Variants in DDO observed in about 807,000 individuals in gnomAD.
DDO encodes the protein D-aspartate oxidase.
Under a neutral mutation model 16.8 loss-of-function variants are expected in DDO, and 16 were observed. The observed-to-expected ratio is 0.95, with a 90% CI of 0.65 to 1.45. The LOEUF is 1.45. DDO is among the 40% of genes most tolerant of loss of function. The pLI, the probability that DDO is intolerant of heterozygous loss-of-function variation, is 0.00. For synonymous variants in DDO, 180 were observed against 167.2 expected (o/e 1.08, Z -0.59); for missense variants, 429 against 420.3 (o/e 1.02, Z -0.18).
At chr6:110,408,783 C>T (rs1418307638) in intron 2 of DDO, among the ~76,000 whole-genome samples, 1 of 152,214 alleles carries the variant, frequency 6.6e-6, no homozygotes, top group Non-Finnish European at 1.5e-5. Context: ...TATAACCAAC[C>T]TGAGCAGAGC....
At chr6:110,394,937 A>G (rs1257879077) in intron 4 of DDO, among the ~76,000 whole-genome samples, 1 of 152,188 alleles carries the variant, frequency 6.6e-6, no homozygotes, top group African/African-American at 2.4e-5. Flanking sequence ...GAGAGACTGT[A>G]TCTTATGTTT....
At chr6:110,410,748 C>T (rs1378141618) in intron 2 of DDO, among the ~76,000 whole-genome samples, 2 of 152,116 alleles carry the variant, frequency 1.3e-5, no homozygotes, top group South Asian at 2.1e-4. Flanking sequence ...TCCCACGACA[C>T]GTAGGGATTA....
At chr6:110,393,657 T>C (rs1773191326) in intron 4 of DDO, among the ~76,000 whole-genome samples, 1 of 152,250 alleles carries the variant, frequency 6.6e-6, no homozygotes, top group Admixed American at 6.5e-5. Flanking sequence ...CCAAGTTGAT[T>C]TGGTATTTTA....
rs145520595 is a variant in DDO at position 110,397,798 on chromosome 6, T to C, written c.459-4456A>G. ...GGATCCCAGAGGAAAACTCACTAAATGTGCCTGGAGACTGGTCACCTTTAT... is the reference window on the plus strand; with the variant it reads ...GGATCCCAGAGGAAAACTCACTAAACGTGCCTGGAGACTGGTCACCTTTAT... On this transcript the variant is annotated intron_variant, in intron 4 of 4. Transcript: ENST00000368924. Among the ~76,000 whole-genome samples, 9 of 152,326 alleles carry C rather than the reference T, an allele frequency of 5.9e-5. No individual in the cohort carries two copies. The East Asian group carries it at 1.7e-3, about 29-fold the overall frequency.
chr6:110,389,596 T>A (rs142504549), downstream of DDO, among the ~76,000 whole-genome samples: 2 of 152,346 alleles, frequency 1.3e-5, no homozygotes, highest in Non-Finnish European at 2.9e-5. Context: ...ACATATGTCC[T>A]GATAGGCATG....
At chr6:110,403,400 C>G (rs563618844) in intron 4 of DDO, among the ~76,000 whole-genome samples, 290 of 152,206 alleles carry the variant, frequency 1.9e-3, no homozygotes, top group African/African-American at 6.8e-3. Context: ...CACACTATTG[C>G]CACTCAGGAA....
chr6:110,400,604 C>G (rs1179560743), intron 4 of DDO, among the ~76,000 whole-genome samples: 1 of 152,226 alleles, frequency 6.6e-6, no homozygotes, highest in Non-Finnish European at 1.5e-5. Context: ...AGGGCCTTAT[C>G]AACAATTTGG....
intron 2 of DDO, among the ~76,000 whole-genome samples, chr6:110,412,292 A>G (rs193281764): frequency 1.3e-5 from 2 of 152,270 alleles, no homozygotes; most frequent in South Asian, 2.1e-4. Flanking sequence ...AGGTCTTAAT[A>G]CATATTAACT....
At chr6:110,408,215 TC>T in intron 3 of DDO, 118 bp downstream of exon 3, 1 of 864,630 alleles carries the variant, frequency 1.2e-6, no homozygotes, top group Admixed American at 2.5e-5. Context: ...TTCCGAATCC[TC>T]CTGCATCTAA....
At chr6:110,397,778 C>A (rs1184502814) in intron 4 of DDO, among the ~76,000 whole-genome samples, 1 of 152,116 alleles carries the variant, frequency 6.6e-6, no homozygotes, top group Non-Finnish European at 1.5e-5. Context: ...GCCTTGGATC[C>A]CAGAGGAAAA....
At chr6:110,414,743 T>A (rs1158396196) in intron 1 of DDO, among the ~76,000 whole-genome samples, 1 of 152,276 alleles carries the variant, frequency 6.6e-6, no homozygotes, top group Non-Finnish European at 1.5e-5. Flanking sequence ...CAGGCCAACT[T>A]GCTGGGCTAA....
chr6:110,391,301 C>A (rs1273149310), downstream of DDO, among the ~76,000 whole-genome samples: 8 of 151,516 alleles, frequency 5.3e-5, no homozygotes, highest in Admixed American at 3.9e-4. Context: ...TATCATTTAA[C>A]AGAAGTCGTC....
intron 2 of DDO, among the ~76,000 whole-genome samples, chr6:110,410,733 G>A (rs1200843053): frequency 2.0e-5 from 3 of 152,086 alleles, no homozygotes; most frequent in African/African-American, 7.2e-5. Flanking sequence ...CTCCCACCAG[G>A]TTCCTCCCAC....
At chr6:110,400,190 C>G (rs79135883) in intron 4 of DDO, among the ~76,000 whole-genome samples, 1 of 152,218 alleles carries the variant, frequency 6.6e-6, no homozygotes, top group Non-Finnish European at 1.5e-5. Flanking sequence ...GATGGAACTA[C>G]GGGGCCTGTC....
At chr6:110,414,519 G>T (rs1042895438) in intron 1 of DDO, among the ~76,000 whole-genome samples, 7 of 152,268 alleles carry the variant, frequency 4.6e-5, no homozygotes, top group Non-Finnish European at 7.3e-5. Context: ...CCCGGGCCAG[G>T]TGTCCTGAGG....
At position 110,414,017 on chromosome 6, in the gene DDO, C is replaced by T. The variant is rs550319507; in HGVS notation, c.-4-551G>A. On this transcript the variant is annotated intron_variant, in intron 1 of 4. Transcript: ENST00000368924. ...TCGAACTCCTGACCTTGTGATCCGC[C>T]GGCCCCAGCCTCCCAAAGTGCTGGG... Among the ~76,000 whole-genome samples, 88 of 152,272 alleles carry T rather than the reference C, an allele frequency of 5.8e-4. 1 individual carries two copies. The highest frequency in any genetic ancestry group is 6.3e-4 in the African/African-American group (26 of 41,556).
At chr6:110,408,987 C>G (rs760840518) in intron 2 of DDO, among the ~76,000 whole-genome samples, 6 of 152,204 alleles carry the variant, frequency 3.9e-5, no homozygotes, top group Non-Finnish European at 7.3e-5. Context: ...TACAAGGAAA[C>G]AAGGCTTGCA....
chr6:110,408,513 T>A, intron 2 of DDO, 71 bp from the exon 3 acceptor site: 2 of 1,384,912 alleles, frequency 1.4e-6, no homozygotes, highest in Non-Finnish European at 2.0e-6. Flanking sequence ...TCAAATAAGC[T>A]CCTTCCTAGA....
chr6:110,405,531 GGTT>G (rs1393373920), intron 3 of DDO, among the ~76,000 whole-genome samples: 2 of 152,124 alleles, frequency 1.3e-5, no homozygotes, highest in Non-Finnish European at 2.9e-5. Context: ...GCCTAGATTT[GGTT>G]GTTAACAAGA....
Sources: gnomAD v4.1 joint callset for allele counts (sites outside exome capture counted in the v4.1 genomes callset) on GRCh38, gnomAD v4.1.1 for gene constraint, MANE v1.5 for transcripts, NCBI Gene and HGNC (gene_info 2026-07-23, HGNC 2026-07-21) for gene names.